Variants in SHB observed in about 807,000 individuals in gnomAD.
SHB encodes SH2 domain-containing adapter protein B.
A neutral mutation model predicts 52.3 loss-of-function variants in SHB; 20 were observed. That is an observed-to-expected ratio of 0.38 (90% CI 0.27 to 0.56). SHB has a LOEUF of 0.56. SHB is among the 20% of genes least tolerant of loss of function. The pLI is 0.71. For missense variants in SHB, 825 were observed against 723.3 expected (o/e 1.14, Z -1.61); for synonymous variants, 397 against 316.5 (o/e 1.25, Z -2.70).
chr9:37,994,750 T>C (rs1820927185), intron 2 of SHB, among the ~76,000 whole-genome samples: 1 of 152,254 alleles, frequency 6.6e-6, no homozygotes, highest in African/African-American at 2.4e-5. Context: ...ACATCTGGTA[T>C]AAATGACTCA....
At chr9:38,059,114 T>G (rs2118185658) in intron 1 of SHB, among the ~76,000 whole-genome samples, 1 of 152,176 alleles carries the variant, frequency 6.6e-6, no homozygotes, top group Admixed American at 6.5e-5. Context: ...CAACAGTGTC[T>G]ACTGAATGAA....
chr9:37,968,430 C>T (rs1820555271), intron 3 of SHB, among the ~76,000 whole-genome samples: 2 of 152,182 alleles, frequency 1.3e-5, no homozygotes, highest in East Asian at 3.8e-4. Context: ...AGACACTGTC[C>T]TAAACTTCTA....
intron 3 of SHB, among the ~76,000 whole-genome samples, chr9:37,970,893 A>G (rs760487012): frequency 2.6e-5 from 4 of 151,978 alleles, no homozygotes; most frequent in Non-Finnish European, 5.9e-5. Flanking sequence ...CCCTTTGGAA[A>G]TTTGAAAGCA....
intron 5 of SHB, among the ~76,000 whole-genome samples, chr9:37,929,192 A>G (rs1457717305): frequency 6.6e-6 from 1 of 152,158 alleles, no homozygotes; most frequent in Admixed American, 6.5e-5. Flanking sequence ...CTGTTCACCC[A>G]CAAGGGTAGT....
chr9:38,035,041 G>T (rs539189225), intron 1 of SHB, among the ~76,000 whole-genome samples: 1 of 152,220 alleles, frequency 6.6e-6, no homozygotes, highest in Non-Finnish European at 1.5e-5. Context: ...GGATGATAAA[G>T]AGCCCAGACT....
chr9:38,044,346 C>T (rs189345705), intron 1 of SHB, among the ~76,000 whole-genome samples: 12 of 152,344 alleles, frequency 7.9e-5, no homozygotes, highest in Admixed American at 6.5e-4. Flanking sequence ...GCTGCAACAA[C>T]TCTTTCCAGA....
At chr9:38,018,427 C>T (rs191302820) in intron 1 of SHB, among the ~76,000 whole-genome samples, 195 of 151,716 alleles carry the variant, frequency 1.3e-3, no homozygotes, top group Non-Finnish European at 2.0e-3. Context: ...TGTACAAATC[C>T]TAAAACCAGG....
chr9:38,038,538 G>A lies in SHB; in HGVS notation c.718-22407C>T, dbSNP rs915689560. On this transcript the variant is annotated intron_variant, in intron 1 of 5. Transcript: ENST00000377707. Reference sequence around the variant, plus strand: ...AGGGCCTGGCACACAGTAAGGTACTGAGTAGATGAATAAATGTATTTTACA... The same window carrying A: ...AGGGCCTGGCACACAGTAAGGTACTAAGTAGATGAATAAATGTATTTTACA... Among the ~76,000 whole-genome samples the A allele has an allele frequency of 2.0e-5, 3 of 152,322 alleles. No individual in the cohort carries two copies. The East Asian group carries it at 5.8e-4, about 29-fold the overall frequency.
At chr9:38,013,235 A>C (rs1355562559) in intron 2 of SHB, among the ~76,000 whole-genome samples, 1 of 152,228 alleles carries the variant, frequency 6.6e-6, no homozygotes, top group Non-Finnish European at 1.5e-5. Flanking sequence ...GAGAGAATGC[A>C]TGAGGTCTTT....
At chr9:37,931,557 C>T (rs774876122) in intron 5 of SHB, among the ~76,000 whole-genome samples, 1 of 152,208 alleles carries the variant, frequency 6.6e-6, no homozygotes, top group Non-Finnish European at 1.5e-5. Flanking sequence ...TTCATACCCA[C>T]TAGAATGGCT....
chr9:37,957,078 C>T (rs2117917721), intron 3 of SHB, among the ~76,000 whole-genome samples: 1 of 152,316 alleles, frequency 6.6e-6, no homozygotes, highest in East Asian at 1.9e-4. Flanking sequence ...CTTTGAGTCC[C>T]CAGGCTGCTG....
intron 1 of SHB, among the ~76,000 whole-genome samples, chr9:38,038,603 A>T (rs1470814739): frequency 5.9e-5 from 9 of 152,142 alleles, no homozygotes; most frequent in Non-Finnish European, 1.2e-4. Context: ...AAATGTGCTC[A>T]ATGTCACACA....
intron 2 of SHB, among the ~76,000 whole-genome samples, chr9:37,992,660 C>T (rs536922673): frequency 6.2e-4 from 95 of 152,180 alleles, no homozygotes; most frequent in Non-Finnish European, 1.0e-3. Context: ...GTTCCCCTGG[C>T]CTGTTTCCTA....
chr9:37,933,766 C>T (rs572150200), intron 5 of SHB, among the ~76,000 whole-genome samples: 2 of 152,326 alleles, frequency 1.3e-5, no homozygotes, highest in Non-Finnish European at 2.9e-5. Context: ...CCAAGACAAC[C>T]CATTCCAAAC....
intron 2 of SHB, among the ~76,000 whole-genome samples, chr9:38,001,858 C>A (rs1821018112): frequency 6.6e-6 from 1 of 152,162 alleles, no homozygotes; most frequent in African/African-American, 2.4e-5. Context: ...AGATAACAGC[C>A]CAAAGGAGAT....
intron 5 of SHB, among the ~76,000 whole-genome samples, chr9:37,935,078 C>T (rs572492927): frequency 1.3e-5 from 2 of 152,300 alleles, no homozygotes; most frequent in East Asian, 3.9e-4. Flanking sequence ...ATGTATTTTC[C>T]TAGCCTGAAA....
chr9:38,028,910 G>A (rs1821378919), intron 1 of SHB, among the ~76,000 whole-genome samples: 1 of 152,168 alleles, frequency 6.6e-6, no homozygotes, highest in South Asian at 2.1e-4. Context: ...CGGGGTGGTA[G>A]GGTGAGGGTG....
chr9:37,976,750 A>C (rs1441866255), intron 2 of SHB, among the ~76,000 whole-genome samples: 1 of 152,182 alleles, frequency 6.6e-6, no homozygotes, highest in Non-Finnish European at 1.5e-5. Context: ...GAGGACTGTA[A>C]GTGAGCTATT....
At chr9:38,038,700 CCCACT>C (rs1564107957) in intron 1 of SHB, among the ~76,000 whole-genome samples, 3 of 152,180 alleles carry the variant, frequency 2.0e-5, no homozygotes, top group Admixed American at 6.5e-5. Context: ...AGGGATGCAG[CCCACT>C]CTGCTCCCTA....
Sources: allele counts gnomAD v4.1 joint callset (sites outside exome capture counted in the v4.1 genomes callset), GRCh38; gene constraint gnomAD v4.1.1; transcripts MANE v1.5; gene names NCBI Gene and HGNC (gene_info 2026-07-23, HGNC 2026-07-21).